Variants in ARHGAP32 observed in about 807,000 individuals in gnomAD.
The protein encoded by ARHGAP32 is rho GTPase-activating protein 32.
ARHGAP32 carries 51 observed loss-of-function variants against 186.5 expected under a neutral mutation model. The ratio of observed to expected loss-of-function variants is 0.27; its 90% CI spans 0.22 to 0.35. The LOEUF is 0.35. Among genes scored for constraint, ARHGAP32 ranks in the 10% least tolerant of loss-of-function variants. ARHGAP32 has a pLI of 1.00. For synonymous variants in ARHGAP32, 950 were observed against 964.3 expected, an observed-to-expected ratio of 0.99 and a Z score of 0.27; for missense variants, 2,186 against 2,623.5, an observed-to-expected ratio of 0.83 and a Z score of 3.64.
intron 11 of ARHGAP32, among the ~76,000 whole-genome samples, chr11:129,028,590 ATTAAT>A (rs1301608310): frequency 6.6e-6 from 1 of 152,228 alleles, no homozygotes; most frequent in Admixed American, 6.5e-5. Context: ...ACTAGGATGG[ATTAAT>A]TCAACAGGCA....
chr11:128,991,777 A>C (rs948076818), intron 12 of ARHGAP32, among the ~76,000 whole-genome samples: 2 of 152,204 alleles, frequency 1.3e-5, no homozygotes, highest in Admixed American at 1.3e-4. Context: ...CAACAGAATA[A>C]GAAGTACATA....
intron 1 of ARHGAP32, among the ~76,000 whole-genome samples, chr11:129,173,855 T>C (rs1410947038): frequency 4.6e-5 from 7 of 152,194 alleles, no homozygotes; most frequent in Non-Finnish European, 7.3e-5. Context: ...AATGTTGTCT[T>C]CTATTCAACA....
intron 5 of ARHGAP32, among the ~76,000 whole-genome samples, chr11:129,120,752 T>A (rs971759247): frequency 2.0e-5 from 3 of 152,028 alleles, no homozygotes; most frequent in Non-Finnish European, 4.4e-5. Context: ...GCTATAAACA[T>A]AAAGACAATG....
chr11:129,052,398 T>A (rs61910969), intron 10 of ARHGAP32, among the ~76,000 whole-genome samples: 209 of 152,350 alleles, frequency 1.4e-3, no homozygotes, highest in Non-Finnish European at 2.3e-3. Flanking sequence ...GTCCTTTGCA[T>A]TTCCATTTGA....
chr11:129,049,439 TA>T (rs769051428), intron 10 of ARHGAP32, among the ~76,000 whole-genome samples: 25 of 152,138 alleles, frequency 1.6e-4, no homozygotes, highest in Non-Finnish European at 2.5e-4. Flanking sequence ...TACATTTTGA[TA>T]AAACACCCAT....
At chr11:129,056,824 G>A (rs1940271287) in intron 10 of ARHGAP32, among the ~76,000 whole-genome samples, 1 of 152,150 alleles carries the variant, frequency 6.6e-6, no homozygotes, top group South Asian at 2.1e-4. Context: ...GCGCTCAAGA[G>A]GGTGACACCT....
At chr11:129,031,518 T>C (rs1285369546) in intron 11 of ARHGAP32, among the ~76,000 whole-genome samples, 1 of 152,228 alleles carries the variant, frequency 6.6e-6, no homozygotes, top group African/African-American at 2.4e-5. Context: ...GTCACTAGTG[T>C]CCATTTTATG....
At chr11:129,207,626 A>G (rs1218553038) in intron 1 of ARHGAP32, among the ~76,000 whole-genome samples, 2 of 151,422 alleles carry the variant, frequency 1.3e-5, no homozygotes, top group Non-Finnish European at 2.9e-5. Context: ...TAGATTCTGG[A>G]TGTTAGTAGC....
At chr11:129,003,186 G>T (rs563623905) in intron 11 of ARHGAP32, among the ~76,000 whole-genome samples, 4 of 152,114 alleles carry the variant, frequency 2.6e-5, no homozygotes, top group African/African-American at 9.7e-5. Flanking sequence ...ATGATGTATC[G>T]CATGTATTGA....
intron 11 of ARHGAP32, among the ~76,000 whole-genome samples, chr11:129,003,166 T>C (rs554739559): frequency 1.3e-5 from 2 of 152,222 alleles, no homozygotes; most frequent in African/African-American, 2.4e-5. Context: ...TTGTCCTTCA[T>C]TCTGTTGATA....
At chr11:128,990,640 T>C (rs994871321) in intron 12 of ARHGAP32, among the ~76,000 whole-genome samples, 1 of 152,222 alleles carries the variant, frequency 6.6e-6, no homozygotes, top group African/African-American at 2.4e-5. Flanking sequence ...ATTTAATTGA[T>C]ATTAGAAGCA....
At position 129,192,255 on chromosome 11, in the gene ARHGAP32, A is replaced by C; in HGVS notation, c.-57T>G. The C allele has an allele frequency of 8.0e-7, 1 of 1,246,938 alleles. No individual in the cohort carries two copies. Among genetic ancestry groups the C allele is most frequent in the Non-Finnish European group, 1.2e-6 (1 of 853,284 alleles). 77.2% of individuals were successfully genotyped at this position (1,246,938 alleles called of 1,614,324 possible). On this transcript the variant is annotated 5_prime_UTR_variant, in exon 1 of 23. Coordinates refer to ENST00000682385, the MANE Select transcript of ARHGAP32 (RefSeq NM_001378024.1). The stretch of plus-strand genomic sequence containing the variant: ...TCCAGGCATGGAATAAAAAGCACCA[A>C]CATTCAGGTTGTTCAGCTCTACTCA...
chr11:129,040,221 C>G (rs1939536537), intron 11 of ARHGAP32, among the ~76,000 whole-genome samples: 2 of 151,642 alleles, frequency 1.3e-5, no homozygotes, highest in South Asian at 4.2e-4. Flanking sequence ...GAAATTTTTT[C>G]TTCTCCTTTT....
chr11:129,064,075 C>T, intron 8 of ARHGAP32, 51 bp from the exon 9 acceptor site: 3 of 1,483,048 alleles, frequency 2.0e-6, no homozygotes, highest in Non-Finnish European at 9.0e-7. Flanking sequence ...CTTGCAAATG[C>T]TTCTTTGACT....
chr11:129,113,118 A>G lies in ARHGAP32; in HGVS notation c.444+10328T>C, dbSNP rs759235877. Among the ~76,000 whole-genome samples, 18 of 152,174 alleles carry G rather than the reference A, an allele frequency of 1.2e-4. 1 individual carries two copies. The highest frequency in any genetic ancestry group is 2.4e-4 in the Non-Finnish European group (16 of 68,018). ...TCTTGGGAGCATTTCCAGCATCACT[A>G]GTAGCATTTTGTATGAGTCTCGTGG... On this transcript the variant is annotated intron_variant, in intron 5 of 22. Coordinates refer to ENST00000682385, the MANE Select transcript of ARHGAP32 (RefSeq NM_001378024.1).
At chr11:129,069,988 C>G (rs562408099) in intron 6 of ARHGAP32, among the ~76,000 whole-genome samples, 1 of 152,030 alleles carries the variant, frequency 6.6e-6, no homozygotes, top group South Asian at 2.1e-4. Context: ...GTAATCTTTG[C>G]TAGTTGGAAT....
chr11:129,221,577 T>C (rs1465852697), intron 1 of ARHGAP32, among the ~76,000 whole-genome samples: 1 of 147,578 alleles, frequency 6.8e-6, no homozygotes, highest in Non-Finnish European at 1.5e-5. Flanking sequence ...GTGGAACCAA[T>C]CCCAGTCCTG....
intron 1 of ARHGAP32, among the ~76,000 whole-genome samples, chr11:129,262,835 A>G (rs1040172208): frequency 6.6e-6 from 1 of 152,212 alleles, no homozygotes; most frequent in African/African-American, 2.4e-5. Flanking sequence ...TACTGTACCA[A>G]ATATAAATTA....
chr11:129,171,853 T>C (rs377095043), intron 1 of ARHGAP32, among the ~76,000 whole-genome samples: 44 of 152,276 alleles, frequency 2.9e-4, no homozygotes, highest in African/African-American at 1.0e-3. Flanking sequence ...CCTTGAGCAG[T>C]GGTTTGTAGT....
Sources: gnomAD v4.1 joint callset for allele counts (sites outside exome capture counted in the v4.1 genomes callset) on GRCh38, gnomAD v4.1.1 for gene constraint, MANE v1.5 for transcripts, NCBI Gene and HGNC (gene_info 2026-07-23, HGNC 2026-07-21) for gene names.